SAMMSON: variants seen among roughly 807,000 people sequenced by gnomAD.
The protein encoded by SAMMSON is survival associated mitochondrial melanoma specific oncogenic non-coding RNA.
chr3:70,397,326 A>T (rs780381579), intron 2 of SAMMSON, among the ~76,000 whole-genome samples: 6 of 151,770 alleles, frequency 4.0e-5, no homozygotes, highest in Non-Finnish European at 8.8e-5. Context: ...TTTTTTTGGG[A>T]CGGGGTCTCA....
intron 4 of SAMMSON, among the ~76,000 whole-genome samples, chr3:70,110,257 C>T (rs2067383198): frequency 6.6e-6 from 1 of 152,212 alleles, no homozygotes; most frequent in Non-Finnish European, 1.5e-5. Context: ...TCAGCACCAG[C>T]TATTGTTTGG....
chr3:70,125,143 A>G, intron 4 of SAMMSON: 3 of 1,558,722 alleles, frequency 1.9e-6, no homozygotes, highest in Non-Finnish European at 1.8e-6. Context: ...TGGGTTTTCC[A>G]AAAAGCACAT....
chr3:70,406,104 TA>T (rs1481525158), intron 2 of SAMMSON, among the ~76,000 whole-genome samples: 1 of 152,192 alleles, frequency 6.6e-6, no homozygotes, highest in African/African-American at 2.4e-5. Flanking sequence ...TAATTAGTTT[TA>T]TTCAGCCATT....
chr3:70,180,981 G>A (rs1701049191), intron 4 of SAMMSON, among the ~76,000 whole-genome samples: 1 of 152,126 alleles, frequency 6.6e-6, no homozygotes, highest in African/African-American at 2.4e-5. Flanking sequence ...TTATGTTGGG[G>A]GACTAGCTGG....
intron 7 of SAMMSON, among the ~76,000 whole-genome samples, chr3:70,334,385 A>G (rs758748056): frequency 1.3e-5 from 2 of 152,066 alleles, no homozygotes; most frequent in African/African-American, 2.4e-5. Context: ...TGTGATATAT[A>G]CATGTAATAT....
intron 7 of SAMMSON, among the ~76,000 whole-genome samples, chr3:70,345,889 C>A (rs1020227955): frequency 3.3e-5 from 5 of 152,230 alleles, no homozygotes; most frequent in Admixed American, 2.6e-4. Context: ...ATACATTCAT[C>A]TATTCAAGAA....
At chr3:70,373,048 G>C (rs563547132) in intron 9 of SAMMSON, among the ~76,000 whole-genome samples, 9 of 152,200 alleles carry the variant, frequency 5.9e-5, no homozygotes, top group African/African-American at 1.7e-4. Context: ...TGCAAGAGTA[G>C]AAAATGTATT....
chr3:70,085,054 T>A (rs904736301), intron 4 of SAMMSON, among the ~76,000 whole-genome samples: 2 of 152,090 alleles, frequency 1.3e-5, no homozygotes, highest in Non-Finnish European at 2.9e-5. Context: ...AGAGGGTTAG[T>A]TACGGTTTCT....
chr3:70,217,624 G>T (rs757616742), intron 4 of SAMMSON, among the ~76,000 whole-genome samples: 4 of 152,082 alleles, frequency 2.6e-5, no homozygotes, highest in Non-Finnish European at 4.4e-5. Context: ...GAGGTAGAAG[G>T]TGTTTTCATA....
At chr3:70,124,118 C>T (rs184300968) in intron 4 of SAMMSON, among the ~76,000 whole-genome samples, 10 of 152,314 alleles carry the variant, frequency 6.6e-5, no homozygotes, top group East Asian at 1.9e-4. Context: ...CCTCTTGAAT[C>T]GGTCACTGTG....
chr3:70,345,762 T>C (rs1702745737), intron 7 of SAMMSON, among the ~76,000 whole-genome samples: 2 of 24,120 alleles, frequency 8.3e-5, no homozygotes, highest in Admixed American at 1.2e-3. Context: ...TTTCAGACTG[T>C]TTTTTTTAAC....
chr3:70,073,345 A>G (rs563798605), intron 4 of SAMMSON, among the ~76,000 whole-genome samples: 1 of 152,090 alleles, frequency 6.6e-6, no homozygotes, highest in Admixed American at 6.6e-5. Flanking sequence ...AGCCGTGGAG[A>G]AAAAGAAAAT....
intron 4 of SAMMSON, among the ~76,000 whole-genome samples, chr3:70,162,204 C>G (rs1361333950): frequency 6.6e-6 from 1 of 151,668 alleles, no homozygotes. Context: ...TCTTCTTTTT[C>G]AAGGATCTTA....
intron 7 of SAMMSON, among the ~76,000 whole-genome samples, chr3:70,317,344 A>G (rs1480368854): frequency 6.6e-6 from 1 of 151,944 alleles, no homozygotes; most frequent in Non-Finnish European, 1.5e-5. Context: ...TTTTTTTCCA[A>G]CAATATATGT....
intron 9 of SAMMSON, among the ~76,000 whole-genome samples, chr3:70,386,198 A>T (rs1703121852): frequency 6.6e-6 from 1 of 152,222 alleles, no homozygotes; most frequent in South Asian, 2.1e-4. Flanking sequence ...TCCAAGCCAG[A>T]CATAAAATGA....
At chr3:70,364,160 A>C (rs541008886) in intron 9 of SAMMSON, among the ~76,000 whole-genome samples, 1 of 151,758 alleles carries the variant, frequency 6.6e-6, no homozygotes, top group East Asian at 1.9e-4. Flanking sequence ...TATTTCTACA[A>C]TTAAACCTTT....
intron 3 of SAMMSON, among the ~76,000 whole-genome samples, chr3:70,024,304 T>C (rs2067028610): frequency 6.6e-6 from 1 of 152,252 alleles, no homozygotes; most frequent in Non-Finnish European, 1.5e-5. Context: ...ATGATTTATC[T>C]TCTCTGTTTT....
chr3:70,094,226 T>C (rs1488870053), intron 4 of SAMMSON, among the ~76,000 whole-genome samples: 1 of 152,176 alleles, frequency 6.6e-6, no homozygotes, highest in Non-Finnish European at 1.5e-5. Context: ...TCGGCTCCAC[T>C]GTATAGGCCA....
intron 6 of SAMMSON, chr3:70,271,921 G>T (rs924617858): frequency 6.6e-6 from 1 of 152,126 alleles, no homozygotes; most frequent in African/African-American, 2.4e-5. Flanking sequence ...CTGCCATCAT[G>T]CCCAGCTAAT....
Sources: allele counts gnomAD v4.1 joint callset (sites outside exome capture counted in the v4.1 genomes callset), GRCh38; gene constraint gnomAD v4.1.1; transcripts MANE v1.5; gene names NCBI Gene and HGNC (gene_info 2026-07-23, HGNC 2026-07-21).